OSBPL3: variants seen among roughly 807,000 people sequenced by gnomAD.
OSBPL3 encodes oxysterol-binding protein-related protein 3.
In OSBPL3, 65 loss-of-function variants were observed where a neutral mutation model predicts 120.1. The ratio of observed to expected loss-of-function variants is 0.54; its 90% CI spans 0.44 to 0.67. The LOEUF (loss-of-function observed/expected upper bound fraction) is 0.67, where lower values mean the gene tolerates loss of function less well. OSBPL3 is among the 30% of genes least tolerant of loss of function. The probability of loss-of-function intolerance (pLI) is 0.00; values close to 1 mark genes in which losing one functional copy is unlikely to be tolerated. For missense variants in OSBPL3, 1,004 were observed against 1,082.1 expected (o/e 0.93, Z 1.01); for synonymous variants, 416 against 402.6 (o/e 1.03, Z -0.40).
At chr7:24,903,939 G>A (rs1807455911) in intron 1 of OSBPL3, among the ~76,000 whole-genome samples, 1 of 150,564 alleles carries the variant, frequency 6.6e-6, no homozygotes, top group African/African-American at 2.4e-5. Flanking sequence ...CTGGAGTGCA[G>A]TGGTGAGATC....
chr7:24,973,762 C>A (rs1349350210), intron 1 of OSBPL3, among the ~76,000 whole-genome samples: 3 of 152,156 alleles, frequency 2.0e-5, no homozygotes, highest in African/African-American at 7.2e-5. Flanking sequence ...TGAAAAAAAT[C>A]AATATTTCCC....
At position 24,980,062 on chromosome 7, in the gene OSBPL3, G is replaced by A. The variant is rs1563035044; in HGVS notation, c.-326C>T. 8.1e-6 allele frequency: 8 copies of A among 984,896 alleles called. No homozygotes were observed. Among genetic ancestry groups the A allele is most frequent in the Non-Finnish European group, 8.4e-6 (7 of 829,722 alleles). The allele number at this position is 984,896 out of a possible 1,614,324, so 61.0% of individuals were successfully genotyped here. Reference sequence around the variant, plus strand: ...GGGGATGGCCACTTGCAGACAGACTGCGGGGCCGGAGCCGCGCTGCGCACC... The same window carrying A: ...GGGGATGGCCACTTGCAGACAGACTACGGGGCCGGAGCCGCGCTGCGCACC... On this transcript the variant is annotated 5_prime_UTR_variant, in exon 1 of 23. Coordinates refer to ENST00000313367, the MANE Select transcript of OSBPL3 (RefSeq NM_015550.4).
rs1388024560 is a variant in OSBPL3, at chr7:24,854,431, T to C, written c.1028-1797A>G. 1.3e-5 allele frequency among the ~76,000 whole-genome samples: 2 copies of C among 151,952 alleles called. No individual in the cohort carries two copies. The highest frequency in any genetic ancestry group is 6.6e-5 in the Admixed American group (1 of 15,240). On this transcript the variant is annotated intron_variant, in intron 10 of 22. Transcript: ENST00000313367. This position sits in a 1 kb window ranked among gnomAD's most constrained non-coding sequence, Gnocchi z 4.1. ...TCTATATGTTGTTGCTGAACTTGTCTGAGGTTGTGGCATTTAGTGATGGAC... is the reference window on the plus strand; with the variant it reads ...TCTATATGTTGTTGCTGAACTTGTCCGAGGTTGTGGCATTTAGTGATGGAC...
intron 14 of OSBPL3, among the ~76,000 whole-genome samples, chr7:24,837,614 C>A (rs1172906720): frequency 1.3e-5 from 2 of 152,226 alleles, no homozygotes; most frequent in Non-Finnish European, 2.9e-5. Flanking sequence ...ACCACCAATA[C>A]TACTAACAGC....
intron 1 of OSBPL3, among the ~76,000 whole-genome samples, chr7:24,928,346 C>T (rs1287393560): frequency 6.6e-6 from 1 of 152,072 alleles, no homozygotes; most frequent in Non-Finnish European, 1.5e-5. Context: ...CGCCCGCCAC[C>T]ACACCCGGCT....
chr7:24,870,890 A>C, intron 4 of OSBPL3, 45 bp from the exon 5 acceptor site: 1 of 1,219,144 alleles, frequency 8.2e-7, no homozygotes, highest in Non-Finnish European at 1.2e-6. Context: ...TGGTGTTAGA[A>C]GCAGTAGTCA....
chr7:24,865,270 T>A (rs2040690), intron 7 of OSBPL3, 72 bp downstream of exon 7: 1 of 1,495,820 alleles, frequency 6.7e-7, no homozygotes, highest in South Asian at 1.2e-5. Flanking sequence ...CACAAATGAA[T>A]CTGAAGTGTA....
Position 24,833,951 on chromosome 7 carries a change from A to T in OSBPL3, c.1746+535T>A. The T allele has an allele frequency of 3.8e-6, 1 of 265,178 alleles. No individual in the cohort carries two copies. The highest frequency in any genetic ancestry group is 5.8e-6 in the Non-Finnish European group (1 of 171,484). The allele number at this position is 265,178 out of a possible 1,614,324, so 16.4% of individuals were successfully genotyped here. ...TTCTACGATTTTTTTTAAGTACTCT[A>T]TAAAATAAGAGGGAGAGAGAAAAAA... On this transcript the variant is annotated intron_variant, in intron 15 of 22. Transcript: ENST00000313367. This position sits in a 1 kb window ranked among gnomAD's most constrained non-coding sequence, Gnocchi z 4.4.
Position 24,834,302 on chromosome 7 carries a change from C to T in OSBPL3, c.1746+184G>A. 6.9e-7 allele frequency: 1 copy of T among 1,443,048 alleles called. No individual in the cohort carries two copies. Among genetic ancestry groups the T allele is most frequent in the Non-Finnish European group, 9.1e-7 (1 of 1,095,030 alleles). 89.4% of individuals were successfully genotyped at this position (1,443,048 alleles called of 1,614,324 possible). ...AGCACCCCAACCCCGTCTCCAAATCCTCACAAGGTGACTGGAAACAGCCAG... is the reference window on the plus strand; with the variant it reads ...AGCACCCCAACCCCGTCTCCAAATCTTCACAAGGTGACTGGAAACAGCCAG... On this transcript the variant is annotated intron_variant, in intron 15 of 22. Transcript: ENST00000313367. This position sits in a 1 kb window ranked among gnomAD's most constrained non-coding sequence, Gnocchi z 5.2.
rs1232096571 is a variant in OSBPL3, at chr7:24,955,681, T to C, written c.-150+24205A>G. ...CACTCTAACCTACTTATCCCTGCTT[T>C]AATGTTCTCCACAGCACTTACTATC... On this transcript the variant is annotated intron_variant, in intron 1 of 22. Coordinates refer to ENST00000313367, the MANE Select transcript of OSBPL3 (RefSeq NM_015550.4). This position sits in a 1 kb window ranked among gnomAD's most constrained non-coding sequence, Gnocchi z 4.3. 6.6e-6 allele frequency among the ~76,000 whole-genome samples: 1 copy of C among 152,264 alleles called. No homozygotes were observed. Among genetic ancestry groups the C allele is most frequent in the Non-Finnish European group, 1.5e-5 (1 of 68,048 alleles).
chr7:24,802,545 T>G lies in OSBPL3; in HGVS notation c.2567+1770A>C, dbSNP rs1242742047. Among the ~76,000 whole-genome samples, 2 of 152,218 alleles carry G rather than the reference T, an allele frequency of 1.3e-5. No homozygotes were observed. The highest frequency in any genetic ancestry group is 2.9e-5 in the Non-Finnish European group (2 of 68,042). ...GATTGCAATGACAGCATAATCACAT[T>G]CTGTATCTTGCATTTACATGGTAAT... On this transcript the variant is annotated intron_variant, in intron 22 of 22. Transcript: ENST00000313367. The surrounding 1 kb of genome is among the most constrained non-coding windows in gnomAD (Gnocchi z 4.1).
At chr7:24,920,570 A>G (rs993453431) in intron 1 of OSBPL3, among the ~76,000 whole-genome samples, 5 of 152,204 alleles carry the variant, frequency 3.3e-5, no homozygotes, top group African/African-American at 1.2e-4. Flanking sequence ...CATGACTCTG[A>G]ATATACTAAA....
In OSBPL3 at chr7:24,898,279, T is replaced by A. The variant is rs894160824; in HGVS notation, c.-149-5658A>T. 6.6e-6 allele frequency among the ~76,000 whole-genome samples: 1 copy of A among 152,192 alleles called. No homozygotes were observed. Among genetic ancestry groups the A allele is most frequent in the African/African-American group, 2.4e-5 (1 of 41,454 alleles). On this transcript the variant is annotated intron_variant, in intron 1 of 22. Transcript: ENST00000313367. The surrounding 1 kb of genome is among the most constrained non-coding windows in gnomAD (Gnocchi z 4.3). ...GATCGGTGATCCCGGACCTCTGAAG[T>A]GCTGTCCATGTGTCCGAACTATCTG...
At chr7:24,942,105 T>C (rs1166963722) in intron 1 of OSBPL3, among the ~76,000 whole-genome samples, 5 of 151,952 alleles carry the variant, frequency 3.3e-5, no homozygotes, top group Non-Finnish European at 5.9e-5. Context: ...CAGAAATGTA[T>C]GTTGTGTCCA....
Position 24,806,115 on chromosome 7 carries a change from C to A in OSBPL3, c.2444+661G>T, listed in dbSNP as rs1233319468. On this transcript the variant is annotated intron_variant, in intron 21 of 22. Coordinates refer to ENST00000313367, the MANE Select transcript of OSBPL3 (RefSeq NM_015550.4). This position sits in a 1 kb window ranked among gnomAD's most constrained non-coding sequence, Gnocchi z 5.2. ...GGGACTACGGGCATGTGCCACCACG[C>A]CTGGCTAATTTTTGTATTTTTAGTA... Among the ~76,000 whole-genome samples, 1 of 152,172 alleles carries A rather than the reference C, an allele frequency of 6.6e-6. No homozygotes were observed. Among genetic ancestry groups the A allele is most frequent in the African/African-American group, 2.4e-5 (1 of 41,428 alleles).
At position 24,834,568 on chromosome 7, in the gene OSBPL3, G is replaced by A. The variant is rs377411746; in HGVS notation, c.1664C>T (p.Thr555Met). The A allele has an allele frequency of 1.2e-6, 2 of 1,614,076 alleles. No individual in the cohort carries two copies. Among genetic ancestry groups the A allele is most frequent in the African/African-American group, 2.7e-5 (2 of 74,938 alleles). The change falls in exon 15 of 23, where the codon ACG (threonine) becomes ATG (methionine). Residue 555 changes from threonine (T) to methionine (M), a missense_variant. Thr to Met is a moderately conservative substitution (Grantham distance 81, BLOSUM62 -1). This residue lies in a region of OSBPL3 where 473 missense variants were observed against 568.0 expected (regional missense o/e 0.83). Coordinates refer to ENST00000313367, the MANE Select transcript of OSBPL3 (RefSeq NM_015550.4). This position sits in a 1 kb window ranked among gnomAD's most constrained non-coding sequence, Gnocchi z 5.2. ...CAGCTCCTCGCAGAGCCTCTGCAGC[G>A]TGTTCAGGGGCTCGTTCAGCTCCAC... is the stretch of plus-strand genomic sequence containing the variant. ...MPVELNEPLN[T>M]LQRLCEELEY...
intron 1 of OSBPL3, among the ~76,000 whole-genome samples, chr7:24,920,891 A>G (rs1351858231): frequency 6.6e-6 from 1 of 152,200 alleles, no homozygotes; most frequent in Non-Finnish European, 1.5e-5. Flanking sequence ...ACAAATTATG[A>G]TAAGACTTGT....
chr7:24,885,771 T>C (rs1804437349), intron 2 of OSBPL3, among the ~76,000 whole-genome samples: 1 of 152,250 alleles, frequency 6.6e-6, no homozygotes, highest in Non-Finnish European at 1.5e-5. Context: ...TAGCTTCGTA[T>C]ATCCCTGCTC....
rs754308708 is a variant in OSBPL3, at chr7:24,871,816, T to C, written c.214-21A>G. The C allele has an allele frequency of 3.8e-6, 6 of 1,591,108 alleles. No homozygotes were observed. The Admixed American group carries it at 8.4e-5, about 22-fold the overall frequency. ...AATCTCTGTGGGGAAGAAAGTATTA[T>C]TAATTAAGGCATTCAATTTAGGTGC... On this transcript the variant is annotated intron_variant, in intron 3 of 22. Transcript: ENST00000313367. This position sits in a 1 kb window ranked among gnomAD's most constrained non-coding sequence, Gnocchi z 4.8.
Sources: gnomAD v4.1 joint callset for allele counts (sites outside exome capture counted in the v4.1 genomes callset) on GRCh38, gnomAD v4.1.1 for gene constraint, gnomAD v4.1.1 regional missense constraint, Gnocchi (gnomAD v3.1) non-coding constraint, MANE v1.5 for transcripts, NCBI Gene and HGNC (gene_info 2026-07-23, HGNC 2026-07-21) for gene names.